LMBR1L: variants seen among roughly 807,000 people sequenced by gnomAD.
The protein encoded by LMBR1L is limb development membrane protein 1 like.
LMBR1L carries 47 observed loss-of-function variants against 67.3 expected under a neutral mutation model. That is an observed-to-expected ratio of 0.70 (90% CI 0.55 to 0.89). The LOEUF (loss-of-function observed/expected upper bound fraction) is 0.89. LMBR1L is among the 40% of genes least tolerant of loss of function. The pLI is 0.00. For synonymous variants in LMBR1L, 247 were observed against 250.3 expected (o/e 0.99, Z 0.13); for missense variants, 533 against 599.2 (o/e 0.89, Z 1.15).
At chr12:49,108,089 C>T (rs1941124073) in intron 1 of LMBR1L, among the ~76,000 whole-genome samples, 1 of 151,788 alleles carries the variant, frequency 6.6e-6, no homozygotes. Context: ...ATGGTGGAAC[C>T]CCATCTCTAC....
At chr12:49,100,313 A>G (rs919860366) in intron 15 of LMBR1L, 75 bp downstream of exon 15, 4 of 1,114,258 alleles carry the variant, frequency 3.6e-6, no homozygotes, top group African/African-American at 3.1e-5. Context: ...GAAATTATGT[A>G]TATAAAGTGC....
Position 49,097,940 on chromosome 12 carries a change from TCAC to T in LMBR1L, c.1402+1_1402+3del. On this transcript the variant is annotated splice_donor_variant and splice_donor_region_variant and intron_variant, in intron 16 of 16. Transcript: ENST00000267102. LOFTEE classifies it high-confidence loss of function. The stretch of plus-strand genomic sequence containing the variant: ...CACTAGCCTGCACCCTCACTCCCTC[TCAC>T]CAAAGGCCCGGATCAGCTCTGCCCG... 1 of 1,608,864 alleles carries T rather than the reference TCAC, an allele frequency of 6.2e-7. No individual in the cohort carries two copies. Among genetic ancestry groups the T allele is most frequent in the Non-Finnish European group, 8.5e-7 (1 of 1,175,808 alleles).
At position 49,101,393 on chromosome 12, in the gene LMBR1L, C is replaced by T. The variant is rs1940162246; in HGVS notation, c.1009-70G>A. ...CACTACCCGGCACCCAGCCTTCCCA[C>T]TGTCCTCAGCTTCTGCCTCCTCTCC... On this transcript the variant is annotated intron_variant, in intron 12 of 16. Coordinates refer to ENST00000267102, the MANE Select transcript of LMBR1L (RefSeq NM_018113.4). 7.5e-6 allele frequency: 12 copies of T among 1,604,052 alleles called. No homozygotes were observed. In the South Asian group the frequency reaches 1.3e-4, roughly 18 times the overall value.
chr12:49,100,364 T>G, intron 15 of LMBR1L, 24 bp downstream of exon 15: 1 of 1,595,206 alleles, frequency 6.3e-7, no homozygotes, highest in Non-Finnish European at 8.6e-7. Context: ...TCCAATTCCT[T>G]TATCTCCTCC....
chr12:49,104,584 G>T, intron 4 of LMBR1L, 33 bp from the exon 5 acceptor site: 2 of 1,588,994 alleles, frequency 1.3e-6, no homozygotes, highest in Non-Finnish European at 1.7e-6. Flanking sequence ...GAAGTGGTCA[G>T]TAAGGGGAGG....
chr12:49,102,076 A>C (rs754038570), intron 11 of LMBR1L, 44 bp downstream of exon 11: 1 of 1,556,610 alleles, frequency 6.4e-7, no homozygotes. Context: ...GAAGGCCTCA[A>C]GTACTGAGGG....
rs749166642 is a variant in LMBR1L at position 49,102,276 on chromosome 12, C to T, written c.853+17G>A. On this transcript the variant is annotated intron_variant, in intron 10 of 16. Coordinates refer to ENST00000267102, the MANE Select transcript of LMBR1L (RefSeq NM_018113.4). The stretch of plus-strand genomic sequence containing the variant: ...TTGGGGAAACCCAGGTATCCCAAGC[C>T]CTACGAAGCCACATACCCAGCAGGA... 6.2e-7 allele frequency: 1 copy of T among 1,613,942 alleles called. No individual in the cohort carries two copies. Among genetic ancestry groups the T allele is most frequent in the Non-Finnish European group, 8.5e-7 (1 of 1,179,814 alleles).
At position 49,098,062 on chromosome 12, in the gene LMBR1L, G is replaced by A. The variant is rs765335136; in HGVS notation, c.1284C>T (p.Asn428=). The A allele has an allele frequency of 1.2e-6, 2 of 1,614,156 alleles. No homozygotes were observed. The highest frequency in any genetic ancestry group is 8.5e-7 in the Non-Finnish European group (1 of 1,180,018). The change falls in exon 16 of 17, where the codon AAC becomes AAT. Residue 428 remains asparagine, a synonymous_variant. Coordinates refer to ENST00000267102, the MANE Select transcript of LMBR1L (RefSeq NM_018113.4). ...ACACAATGTAGAAATTGCCCAGCCA[G>A]TTGAAGCGTCCAAAGTCACCCAGCA... ...FDLLGDFGRF[N]WLGNFYIVFL...
intron 16 of LMBR1L, 69 bp from the exon 17 acceptor site, chr12:49,097,808 G>A: frequency 6.2e-7 from 1 of 1,604,120 alleles, no homozygotes; most frequent in Non-Finnish European, 8.5e-7. Flanking sequence ...AGGCAGCCAA[G>A]CCACAGAATG....
At position 49,100,494 on chromosome 12, in the gene LMBR1L, G is replaced by A. The variant is rs766980443; in HGVS notation, c.1174-40C>T. On this transcript the variant is annotated intron_variant, in intron 14 of 16. Transcript: ENST00000267102. Reference sequence around the variant, plus strand: ...GGAAAGGAGAGGTGAGGGTGGAAGAGCTGCAGGCACCTAGTGCCCATCCAC... The same window carrying A: ...GGAAAGGAGAGGTGAGGGTGGAAGAACTGCAGGCACCTAGTGCCCATCCAC... 9.3e-6 allele frequency: 15 copies of A among 1,606,452 alleles called. No individual in the cohort carries two copies. In the Admixed American group the frequency reaches 2.3e-4, roughly 25 times the overall value.
chr12:49,100,061 G>C (rs989978649), intron 15 of LMBR1L, among the ~76,000 whole-genome samples: 2 of 152,212 alleles, frequency 1.3e-5, no homozygotes, highest in African/African-American at 4.8e-5. Context: ...TAATCAGGTA[G>C]CTTCTCTGTT....
chr12:49,110,201 C>A, intron 1 of LMBR1L: 1 of 541,720 alleles, frequency 1.8e-6, no homozygotes, highest in Admixed American at 3.0e-5. Flanking sequence ...CCGGAGACCC[C>A]CAACAGGAAG....
chr12:49,105,313 T>C (rs529756450), intron 3 of LMBR1L: 72 of 192,342 alleles, frequency 3.7e-4, no homozygotes, highest in African/African-American at 1.6e-3. Flanking sequence ...GGCTATGCCC[T>C]GCACAAAGGC....
chr12:49,099,894 T>G (rs1298142979), intron 15 of LMBR1L, among the ~76,000 whole-genome samples: 1 of 152,200 alleles, frequency 6.6e-6, no homozygotes, highest in African/African-American at 2.4e-5. Flanking sequence ...CTTGAACTTT[T>G]TAACCAGTTA....
intron 8 of LMBR1L, 93 bp from the exon 9 acceptor site, chr12:49,102,633 C>A: frequency 7.7e-7 from 1 of 1,306,194 alleles, no homozygotes; most frequent in South Asian, 1.3e-5. Context: ...CTCCGTAGTC[C>A]CAGGCTTCCC....
rs1318262779 is a variant in LMBR1L at position 49,097,759 on chromosome 12, C to A, written c.1403-20G>T. On this transcript the variant is annotated intron_variant, in intron 16 of 16. Transcript: ENST00000267102. ...CCAGCCCTGGAGAAGAGGAGATGGG[C>A]AGTCAAAAGCAAGTCAAAGGTCCAG... 6.2e-7 allele frequency: 1 copy of A among 1,613,946 alleles called. No homozygotes were observed. The highest frequency in any genetic ancestry group is 8.5e-7 in the Non-Finnish European group (1 of 1,179,890).
Position 49,102,398 on chromosome 12 carries a change from T to C in LMBR1L, c.770-22A>G, listed in dbSNP as rs779806755. ...GGATCTGAGGGCAGAGAAGATGGTG[T>C]TGCTCTCAAGTCCTGCAGTTTCTGC... On this transcript the variant is annotated intron_variant, in intron 9 of 16. Transcript: ENST00000267102. 16 of 1,613,684 alleles carry C rather than the reference T, an allele frequency of 9.9e-6. No individual in the cohort carries two copies. The African/African-American group carries it at 2.0e-4, about 20-fold the overall frequency.
rs762286420 is a variant in LMBR1L at position 49,104,739 on chromosome 12, CA to C, written c.331+6del. ...CCTACCCCAAGCAGCTTCCAGGAGC[CA>C]CACACCATGGATGAGGGAGCCGTTG... On this transcript the variant is annotated splice_donor_region_variant and intron_variant, in intron 4 of 16. Transcript: ENST00000267102. 1 of 1,613,364 alleles carries C rather than the reference CA, an allele frequency of 6.2e-7. No individual in the cohort carries two copies. Among genetic ancestry groups the C allele is most frequent in the Non-Finnish European group, 8.5e-7 (1 of 1,179,690 alleles).
chr12:49,100,709 C>A, intron 13 of LMBR1L, 63 bp from the exon 14 acceptor site: 1 of 1,212,982 alleles, frequency 8.2e-7, no homozygotes, highest in Non-Finnish European at 1.2e-6. Context: ...TCAAAGGGAA[C>A]AGAGCTCTCT....
Sources: gnomAD v4.1 joint callset for allele counts (sites outside exome capture counted in the v4.1 genomes callset) on GRCh38, gnomAD v4.1.1 for gene constraint, MANE v1.5 for transcripts, NCBI Gene and HGNC (gene_info 2026-07-23, HGNC 2026-07-21) for gene names.